Variants in ZNF248 observed in about 807,000 individuals in gnomAD.
The protein encoded by ZNF248 is KRAB protein domain.
ZNF248 carries 20 observed loss-of-function variants against 44.3 expected under a neutral mutation model. The ratio of observed to expected loss-of-function variants is 0.45; its 90% confidence interval spans 0.32 to 0.66. The LOEUF is 0.66. Among genes scored for constraint, ZNF248 ranks in the 30% least tolerant of loss-of-function variants. The pLI is 0.04. For missense variants in ZNF248, 654 were observed against 677.0 expected, an observed-to-expected ratio of 0.97 and a Z score of 0.38; for synonymous variants, 224 against 229.0, an observed-to-expected ratio of 0.98 and a Z score of 0.20.
chr10:37,784,781 C>G (rs901161936), intron 6 of ZNF248, among the ~76,000 whole-genome samples: 3 of 151,818 alleles, frequency 2.0e-5, no homozygotes, highest in Non-Finnish European at 4.4e-5. Flanking sequence ...CAATGGAACC[C>G]GGTGAGGAGA....
At chr10:37,793,142 G>C (rs1021733480) in intron 6 of ZNF248, among the ~76,000 whole-genome samples, 3 of 151,988 alleles carry the variant, frequency 2.0e-5, no homozygotes, top group Admixed American at 6.6e-5. Flanking sequence ...GACCGGTTTG[G>C]CCAACATGGT....
At chr10:37,766,338 T>C in the ZNF248 span, among the ~76,000 whole-genome samples, 2 of 152,116 alleles carry the variant, frequency 1.3e-5, no homozygotes, top group African/African-American at 4.8e-5. Flanking sequence ...CCCCAAGCAA[T>C]CTAACTGGGA....
chr10:37,820,657 C>A, intron 6 of ZNF248: 1 of 1,462,236 alleles, frequency 6.8e-7, no homozygotes, highest in Non-Finnish European at 9.6e-7. Flanking sequence ...CTTTTCTTTT[C>A]CACTTTCGCT....
At chr10:37,766,466 A>ACAGCCACCACTGTTCTG in the ZNF248 span, among the ~76,000 whole-genome samples, 1 of 152,166 alleles carries the variant, frequency 6.6e-6, no homozygotes, top group African/African-American at 2.4e-5. Flanking sequence ...CCGCTGTTCT[A>ACAGCCACCACTGTTCTG]CAGCCACCAC....
chr10:37,785,445 A>T (rs139342604), intron 6 of ZNF248, among the ~76,000 whole-genome samples: 151 of 152,340 alleles, frequency 9.9e-4, no homozygotes, highest in South Asian at 3.7e-3. Context: ...TGTGCAACAA[A>T]AATGGTGCAT....
intron 6 of ZNF248, among the ~76,000 whole-genome samples, chr10:37,812,942 T>G (rs1211546154): frequency 6.6e-6 from 1 of 150,632 alleles, no homozygotes; most frequent in African/African-American, 2.4e-5. Flanking sequence ...GAAAACTATA[T>G]CCGGATGTTG....
Position 37,831,632 on chromosome 10 carries a change from C to T in ZNF248, c.1723G>A (p.Ala575Thr). ...TCTAACATTCAGGATGTTGAAAGAG[C>T]TTTCACCCTTGTGTGAATTCTCTGA... ...KHQRIHTRVK[A>T]LSTS Residue 575 changes from alanine to threonine, a missense_variant, in exon 6 of 6, where the codon GCT becomes ACT. Coordinates refer to ENST00000395867, the MANE Select transcript of ZNF248 (RefSeq NM_021045.3). 1 of 1,613,378 alleles carries T rather than the reference C, an allele frequency of 6.2e-7. No homozygotes were observed. The highest frequency in any genetic ancestry group is 8.5e-7 in the Non-Finnish European group (1 of 1,179,456).
At chr10:37,817,781 G>T (rs2052751863) in intron 6 of ZNF248, among the ~76,000 whole-genome samples, 1 of 152,156 alleles carries the variant, frequency 6.6e-6, no homozygotes, top group African/African-American at 2.4e-5. Context: ...TCCCCCCGAA[G>T]TCAAACACCA....
intron 6 of ZNF248, among the ~76,000 whole-genome samples, chr10:37,812,404 CTACTT>C (rs1239799208): frequency 6.6e-6 from 1 of 152,102 alleles, no homozygotes; most frequent in Non-Finnish European, 1.5e-5. Flanking sequence ...AAGGCTAACT[CTACTT>C]TAGTACAAAT....
downstream of ZNF248, among the ~76,000 whole-genome samples, chr10:37,827,568 T>C (rs1589557820): frequency 6.6e-6 from 1 of 151,986 alleles, no homozygotes; most frequent in Non-Finnish European, 1.5e-5. Flanking sequence ...GAGTGGTAGG[T>C]TGGGAAAAGG....
chr10:37,820,508 T>C (rs2053289730), intron 6 of ZNF248: 1 of 1,600,922 alleles, frequency 6.2e-7, no homozygotes, highest in South Asian at 1.1e-5. Flanking sequence ...TAAGGAATGT[T>C]GCGGTGAGGA....
At chr10:37,798,984 G>A (rs1247559695) in intron 6 of ZNF248, among the ~76,000 whole-genome samples, 3 of 152,014 alleles carry the variant, frequency 2.0e-5, no homozygotes, top group Non-Finnish European at 4.4e-5. Context: ...TAGGTCAAGT[G>A]TACATGTCTT....
At chr10:37,778,427 T>C (rs2046866421) in intron 6 of ZNF248, among the ~76,000 whole-genome samples, 2 of 152,108 alleles carry the variant, frequency 1.3e-5, no homozygotes, top group East Asian at 1.9e-4. Flanking sequence ...TTGTAGATTC[T>C]GGATATTAGC....
the ZNF248 span, among the ~76,000 whole-genome samples, chr10:37,761,298 T>C: frequency 6.6e-6 from 1 of 152,176 alleles, no homozygotes; most frequent in East Asian, 1.9e-4. Context: ...GGCAGGTTGG[T>C]AACTATAAGA....
At chr10:37,778,115 A>G (rs972587613) in intron 6 of ZNF248, among the ~76,000 whole-genome samples, 17 of 152,154 alleles carry the variant, frequency 1.1e-4, no homozygotes, top group African/African-American at 3.9e-4. Flanking sequence ...CGCCACACTG[A>G]CTTCCACAAT....
chr10:37,766,616 C>A, the ZNF248 span, among the ~76,000 whole-genome samples: 1 of 152,142 alleles, frequency 6.6e-6, no homozygotes, highest in African/African-American at 2.4e-5. Flanking sequence ...ACACCAAAAA[C>A]CCTTCTGTAT....
At chr10:37,766,257 G>A in the ZNF248 span, among the ~76,000 whole-genome samples, 1 of 152,224 alleles carries the variant, frequency 6.6e-6, no homozygotes, top group Admixed American at 6.5e-5. Flanking sequence ...TTTGAAGAGA[G>A]TAGTGGTTCT....
intron 6 of ZNF248, among the ~76,000 whole-genome samples, chr10:37,808,383 AG>A (rs1328504820): frequency 4.6e-5 from 7 of 151,738 alleles, no homozygotes; most frequent in Non-Finnish European, 1.0e-4. Flanking sequence ...CCCAGGTTCA[AG>A]CGATTCCCCT....
At chr10:37,786,794 T>C (rs2047922136) in intron 6 of ZNF248, among the ~76,000 whole-genome samples, 1 of 152,214 alleles carries the variant, frequency 6.6e-6, no homozygotes, top group African/African-American at 2.4e-5. Flanking sequence ...ATGAACTGAA[T>C]AAAGAGGCAT....
Sources: gnomAD v4.1 joint callset for allele counts (sites outside exome capture counted in the v4.1 genomes callset) on GRCh38, gnomAD v4.1.1 for gene constraint, MANE v1.5 for transcripts, NCBI Gene and HGNC (gene_info 2026-07-23, HGNC 2026-07-21) for gene names.